GRID2: variants seen among roughly 807,000 people sequenced by gnomAD.
GRID2 encodes glutamate receptor ionotropic, delta-2.
A neutral mutation model predicts 114.8 loss-of-function variants in GRID2; 33 were observed. The observed-to-expected ratio is 0.29, with a 90% confidence interval of 0.22 to 0.38. GRID2 has a LOEUF of 0.38. Ranked by LOEUF, GRID2 falls within the 10% of genes least tolerant of loss-of-function variation. The pLI is 1.00. For missense variants in GRID2, 1,184 were observed against 1,257.7 expected (o/e 0.94, Z 0.89); for synonymous variants, 505 against 449.9 (o/e 1.12, Z -1.55).
intron 1 of GRID2, among the ~76,000 whole-genome samples, chr4:92,514,264 A>T (rs1424199198): frequency 6.6e-6 from 1 of 151,888 alleles, no homozygotes; most frequent in East Asian, 1.9e-4. Context: ...ATTTGATAGT[A>T]CAGCTTATTT....
chr4:92,871,666 C>T (rs534841366), intron 2 of GRID2, among the ~76,000 whole-genome samples: 2 of 152,132 alleles, frequency 1.3e-5, no homozygotes, highest in South Asian at 2.1e-4. Flanking sequence ...ACTCCACTTT[C>T]GAAACCGGCA....
At chr4:92,468,796 A>C (rs988828516) in intron 1 of GRID2, among the ~76,000 whole-genome samples, 1 of 152,134 alleles carries the variant, frequency 6.6e-6, no homozygotes, top group Non-Finnish European at 1.5e-5. Context: ...AAAATGTTTT[A>C]GGCTGGATTA....
chr4:93,160,444 TCTTAC>T (rs1381691228), intron 4 of GRID2, among the ~76,000 whole-genome samples: 1 of 151,846 alleles, frequency 6.6e-6, no homozygotes, highest in Non-Finnish European at 1.5e-5. Flanking sequence ...ATTTTGTTAG[TCTTAC>T]CTTATTAGCC....
At chr4:93,707,817 G>T (rs78796786) in intron 14 of GRID2, among the ~76,000 whole-genome samples, 6,398 of 151,472 alleles carry the variant, frequency 0.042, 216 homozygotes, top group African/African-American at 0.085. Flanking sequence ...TTTTTATTTA[G>T]GTGCTTATTG....
At chr4:93,535,902 G>A (rs900567457) in intron 13 of GRID2, among the ~76,000 whole-genome samples, 4 of 151,856 alleles carry the variant, frequency 2.6e-5, no homozygotes, top group Non-Finnish European at 5.9e-5. Flanking sequence ...CTATTTTGAT[G>A]TAATCCCATT....
chr4:93,468,214 G>T (rs1420883398), intron 11 of GRID2, among the ~76,000 whole-genome samples: 1 of 152,038 alleles, frequency 6.6e-6, no homozygotes, highest in Non-Finnish European at 1.5e-5. Context: ...AGCATTTTGG[G>T]TCTAAATTAA....
chr4:93,620,823 C>T (rs1211461765), intron 13 of GRID2, among the ~76,000 whole-genome samples: 1 of 152,170 alleles, frequency 6.6e-6, no homozygotes, highest in East Asian at 1.9e-4. Context: ...TGGTTAGGTA[C>T]TATTGATAAG....
intron 2 of GRID2, among the ~76,000 whole-genome samples, chr4:92,658,938 A>T (rs537473733): frequency 1.4e-5 from 2 of 148,068 alleles, no homozygotes; most frequent in South Asian, 4.5e-4. Flanking sequence ...GTGTATGTGC[A>T]TTTCCTTTCC....
chr4:93,319,103 G>A (rs1756969253), intron 8 of GRID2, among the ~76,000 whole-genome samples: 1 of 152,010 alleles, frequency 6.6e-6, no homozygotes, highest in Non-Finnish European at 1.5e-5. Context: ...TTGTGAGCTG[G>A]AACAAGCTGA....
At chr4:92,829,323 C>T (rs1438311511) in intron 2 of GRID2, among the ~76,000 whole-genome samples, 3 of 151,884 alleles carry the variant, frequency 2.0e-5, no homozygotes, top group Non-Finnish European at 4.4e-5. Flanking sequence ...TGGGCCAACA[C>T]ACATATGCAA....
intron 14 of GRID2, among the ~76,000 whole-genome samples, chr4:93,753,559 G>T (rs1414601125): frequency 4.0e-5 from 6 of 151,856 alleles, no homozygotes; most frequent in Non-Finnish European, 7.4e-5. Flanking sequence ...TGTTTTCATT[G>T]TTCAGTTCCC....
chr4:93,425,537 A>C (rs1160014252), intron 10 of GRID2, among the ~76,000 whole-genome samples: 1 of 152,138 alleles, frequency 6.6e-6, no homozygotes, highest in African/African-American at 2.4e-5. Flanking sequence ...CAACAGTTGT[A>C]ATCCCCTCTT....
At chr4:93,732,681 G>A (rs757272366) in intron 14 of GRID2, among the ~76,000 whole-genome samples, 2 of 151,872 alleles carry the variant, frequency 1.3e-5, no homozygotes, top group Admixed American at 6.6e-5. Flanking sequence ...CATTCTGACC[G>A]CTGCTGTCAA....
intron 8 of GRID2, among the ~76,000 whole-genome samples, chr4:93,295,109 TA>T (rs1199669483): frequency 6.6e-6 from 1 of 152,062 alleles, no homozygotes; most frequent in Non-Finnish European, 1.5e-5. Flanking sequence ...AAATGCCTAG[TA>T]AAAGCCTAAG....
chr4:93,606,908 G>T (rs1365319585), intron 13 of GRID2, among the ~76,000 whole-genome samples: 2 of 151,594 alleles, frequency 1.3e-5, no homozygotes, highest in Admixed American at 1.3e-4. Context: ...AAAATATTTG[G>T]GCTTTTATTC....
intron 8 of GRID2, among the ~76,000 whole-genome samples, chr4:93,295,133 G>A (rs1233894517): frequency 2.0e-5 from 3 of 152,056 alleles, no homozygotes; most frequent in Non-Finnish European, 4.4e-5. Context: ...GGAGATGCAG[G>A]CAACTGGGTG....
chr4:92,630,419 G>A (rs1730746138), intron 2 of GRID2, among the ~76,000 whole-genome samples: 1 of 152,016 alleles, frequency 6.6e-6, no homozygotes, highest in African/African-American at 2.4e-5. Flanking sequence ...CTCCTTTTCT[G>A]CCCCACGAAA....
intron 2 of GRID2, among the ~76,000 whole-genome samples, chr4:92,851,651 G>A (rs188445833): frequency 7.2e-5 from 11 of 152,090 alleles, no homozygotes; most frequent in South Asian, 2.1e-4. Flanking sequence ...AAGAAAAGTT[G>A]TGATGCATAG....
At chr4:92,890,273 A>T (rs1340132039) in intron 2 of GRID2, among the ~76,000 whole-genome samples, 1 of 152,196 alleles carries the variant, frequency 6.6e-6, no homozygotes, top group African/African-American at 2.4e-5. Context: ...AATAGGATCT[A>T]ATTAAACTAA....
Sources: gnomAD v4.1 joint callset for allele counts (sites outside exome capture counted in the v4.1 genomes callset) on GRCh38, gnomAD v4.1.1 for gene constraint, MANE v1.5 for transcripts, NCBI Gene and HGNC (gene_info 2026-07-23, HGNC 2026-07-21) for gene names.